Variants in GRID1 observed in about 807,000 individuals in gnomAD.
The protein encoded by GRID1 is glutamate ionotropic receptor delta type subunit 1, also known as glutamate receptor ionotropic, delta-1.
Under a neutral mutation model 98.0 loss-of-function variants are expected in GRID1, and 28 were observed. The observed-to-expected ratio is 0.29, with a 90% CI of 0.21 to 0.39. The LOEUF is 0.39. Ranked by LOEUF, GRID1 falls within the 10% of genes least tolerant of loss-of-function variation. The pLI, the probability that GRID1 is intolerant of heterozygous loss-of-function variation, is 1.00. For synonymous variants in GRID1, 553 were observed against 538.5 expected (o/e 1.03, Z -0.37); for missense variants, 1,111 against 1,340.5 (o/e 0.83, Z 2.67).
chr10:85,833,001 G>A (rs970723524), intron 8 of GRID1, among the ~76,000 whole-genome samples: 1 of 152,084 alleles, frequency 6.6e-6, no homozygotes, highest in Non-Finnish European at 1.5e-5. Context: ...ATCATTATTG[G>A]ACACAGCCCA....
intron 3 of GRID1, among the ~76,000 whole-genome samples, chr10:86,205,445 T>C (rs1846012752): frequency 6.6e-6 from 1 of 152,178 alleles, no homozygotes; most frequent in African/African-American, 2.4e-5. Flanking sequence ...ACACATGTGA[T>C]TTTTAAAATG....
intron 15 of GRID1, among the ~76,000 whole-genome samples, chr10:85,608,016 CT>C (rs1279372903): frequency 1.3e-5 from 2 of 151,874 alleles, no homozygotes; most frequent in Non-Finnish European, 2.9e-5. Context: ...TGGGGTCTAG[CT>C]TTTTTTGCCC....
intron 3 of GRID1, among the ~76,000 whole-genome samples, chr10:86,165,447 A>C (rs1845385027): frequency 6.6e-6 from 1 of 152,202 alleles, no homozygotes; most frequent in Non-Finnish European, 1.5e-5. Flanking sequence ...GCAGGGCAGA[A>C]CTGCAGCATT....
chr10:85,816,142 A>G (rs1233452744), intron 8 of GRID1, among the ~76,000 whole-genome samples: 1 of 152,170 alleles, frequency 6.6e-6, no homozygotes, highest in Non-Finnish European at 1.5e-5. Flanking sequence ...TAAATTATCT[A>G]CTTATGACAT....
intron 8 of GRID1, among the ~76,000 whole-genome samples, chr10:85,760,688 C>T (rs761152849): frequency 2.6e-5 from 4 of 152,128 alleles, no homozygotes; most frequent in African/African-American, 7.2e-5. Context: ...ATTTGCAACA[C>T]GTTCTATAGT....
chr10:85,614,960 T>C (rs1842771763), intron 14 of GRID1, among the ~76,000 whole-genome samples: 1 of 152,150 alleles, frequency 6.6e-6, no homozygotes, highest in Non-Finnish European at 1.5e-5. Context: ...CATGGTGATA[T>C]TTTCGACTGA....
chr10:85,851,919 T>A (rs1843061878), intron 8 of GRID1, among the ~76,000 whole-genome samples: 1 of 152,082 alleles, frequency 6.6e-6, no homozygotes, highest in Admixed American at 6.5e-5. Context: ...GAATGTCCTT[T>A]ATTTTTAAGT....
intron 8 of GRID1, among the ~76,000 whole-genome samples, chr10:85,802,780 G>C (rs1337899946): frequency 1.3e-5 from 2 of 150,638 alleles, no homozygotes; most frequent in African/African-American, 4.9e-5. Flanking sequence ...TGAGAGAAGA[G>C]AGACAGATGA....
chr10:86,328,165 T>C (rs1200361353), intron 2 of GRID1, among the ~76,000 whole-genome samples: 1 of 152,196 alleles, frequency 6.6e-6, no homozygotes, highest in African/African-American at 2.4e-5. Context: ...TCAGCATTAT[T>C]TATATATACA....
intron 12 of GRID1, among the ~76,000 whole-genome samples, chr10:85,648,337 G>A (rs772756425): frequency 2.4e-4 from 36 of 152,290 alleles, no homozygotes; most frequent in Non-Finnish European, 3.1e-4. Context: ...TCAGAAGAGC[G>A]TACTTGGCTC....
intron 5 of GRID1, among the ~76,000 whole-genome samples, chr10:85,873,585 G>A (rs1407227519): frequency 1.3e-5 from 2 of 152,114 alleles, no homozygotes; most frequent in African/African-American, 4.8e-5. Context: ...ATCTTGGTTG[G>A]ATGCCTCCTT....
At chr10:86,007,163 T>C (rs1589333891) in intron 4 of GRID1, among the ~76,000 whole-genome samples, 1 of 152,172 alleles carries the variant, frequency 6.6e-6, no homozygotes, top group Non-Finnish European at 1.5e-5. Flanking sequence ...GATAAGAAAA[T>C]TAAACGCTGT....
At chr10:86,208,479 C>T (rs72841766) in intron 2 of GRID1, among the ~76,000 whole-genome samples, 9,485 of 152,194 alleles carry the variant, frequency 0.062, 410 homozygotes, top group Non-Finnish European at 0.1. Flanking sequence ...CCCATACCTG[C>T]AGCCTCATGC....
At chr10:85,625,259 C>A (rs1441507675) in intron 13 of GRID1, among the ~76,000 whole-genome samples, 1 of 152,218 alleles carries the variant, frequency 6.6e-6, no homozygotes, top group African/African-American at 2.4e-5. Context: ...AATCTGCATA[C>A]CCTGTGTGCC....
chr10:86,291,560 T>C (rs1053862347), intron 2 of GRID1, among the ~76,000 whole-genome samples: 6 of 152,152 alleles, frequency 3.9e-5, no homozygotes, highest in Admixed American at 1.3e-4. Flanking sequence ...GCACAGGCCA[T>C]CCACCTCCAG....
At chr10:85,731,799 CA>C (rs554781772) in intron 8 of GRID1, among the ~76,000 whole-genome samples, 78 of 63,758 alleles carry the variant, frequency 1.2e-3, no homozygotes, top group East Asian at 6.3e-3. Context: ...GAGACCCTGA[CA>C]AAAAAAAAAA....
At chr10:86,082,793 C>G (rs1194172281) in intron 4 of GRID1, among the ~76,000 whole-genome samples, 4 of 152,236 alleles carry the variant, frequency 2.6e-5, no homozygotes, top group Non-Finnish European at 5.9e-5. Flanking sequence ...CACCTGTGTA[C>G]AGATTGTCCC....
intron 8 of GRID1, among the ~76,000 whole-genome samples, chr10:85,785,882 A>C (rs1842423938): frequency 6.6e-6 from 1 of 151,802 alleles, no homozygotes; most frequent in African/African-American, 2.4e-5. Context: ...ACACACACAC[A>C]TACCCCCACA....
At chr10:85,775,118 C>G (rs977963732) in intron 8 of GRID1, among the ~76,000 whole-genome samples, 1 of 152,068 alleles carries the variant, frequency 6.6e-6, no homozygotes, top group African/African-American at 2.4e-5. Context: ...AAATGTGGCA[C>G]ATATACACCA....
Sources: allele counts gnomAD v4.1 joint callset (sites outside exome capture counted in the v4.1 genomes callset), GRCh38; gene constraint gnomAD v4.1.1; transcripts MANE v1.5; gene names NCBI Gene and HGNC (gene_info 2026-07-23, HGNC 2026-07-21).